Variants in SIK2 observed in about 807,000 individuals in gnomAD.
The protein encoded by SIK2 is salt inducible kinase 2.
Under a neutral mutation model 103.2 loss-of-function variants are expected in SIK2, and 29 were observed. The observed-to-expected ratio is 0.28, with a 90% CI of 0.21 to 0.38. SIK2 has a LOEUF of 0.38. Ranked by LOEUF, SIK2 falls within the 10% of genes least tolerant of loss-of-function variation. The probability of loss-of-function intolerance (pLI) is 1.00; values close to 1 mark genes in which losing one functional copy is unlikely to be tolerated. For missense variants in SIK2, 879 were observed against 1,171.0 expected (o/e 0.75, Z 3.64); for synonymous variants, 412 against 446.1 (o/e 0.92, Z 0.96).
In SIK2 at chr11:111,700,946, C is replaced by G. The variant is rs1943198679; in HGVS notation, c.539C>G (p.Pro180Arg). The G allele has an allele frequency of 6.2e-7, 1 of 1,613,836 alleles. No individual in the cohort carries two copies. Among genetic ancestry groups the G allele is most frequent in the Admixed American group, 1.7e-5 (1 of 59,974 alleles). The change falls in exon 5 of 15, where the codon CCC (proline) becomes CGC (arginine). Residue 180 changes from proline (P) to arginine (R), a missense_variant. Transcript: ENST00000304987. ...CTGCTGGCAACATGGTGTGGCAGCC[C>G]CCCTTATGCAGCCCCAGAAGTCTTT... Reference protein sequence around the residue: ...GELLATWCGSPPYAAPEVFEG... With the variant: ...GELLATWCGSRPYAAPEVFEG...
chr11:111,669,782 C>T (rs1301938474), intron 3 of SIK2, among the ~76,000 whole-genome samples: 1 of 152,092 alleles, frequency 6.6e-6, no homozygotes, highest in Non-Finnish European at 1.5e-5. Flanking sequence ...TCGAATGCAT[C>T]ATTTCCTTAA....
At chr11:111,627,579 A>G (rs1000951968) in intron 3 of SIK2, among the ~76,000 whole-genome samples, 3 of 152,216 alleles carry the variant, frequency 2.0e-5, no homozygotes, top group African/African-American at 4.8e-5. Context: ...GGACTACTGT[A>G]TAAGATTTTA....
intron 1 of SIK2, among the ~76,000 whole-genome samples, chr11:111,605,536 A>T (rs1343986374): frequency 6.6e-6 from 1 of 152,232 alleles, no homozygotes. Context: ...TATTGACGAT[A>T]AAAGTTTCTT....
chr11:111,647,811 T>C (rs1591600304), intron 3 of SIK2, among the ~76,000 whole-genome samples: 1 of 148,482 alleles, frequency 6.7e-6, no homozygotes, highest in African/African-American at 2.5e-5. Flanking sequence ...GAGCTTGCAG[T>C]GAGCTGAGAT....
chr11:111,702,311 G>T (rs1395788338), intron 6 of SIK2, among the ~76,000 whole-genome samples: 2 of 152,334 alleles, frequency 1.3e-5, no homozygotes, highest in African/African-American at 4.8e-5. Flanking sequence ...TCAGTCAGGT[G>T]CAGTGGTTTA....
intron 3 of SIK2, among the ~76,000 whole-genome samples, chr11:111,685,389 C>A (rs1319260499): frequency 1.3e-5 from 2 of 152,204 alleles, no homozygotes; most frequent in East Asian, 3.8e-4. Flanking sequence ...TATGTGTATA[C>A]ACATGTGTGT....
chr11:111,717,249 G>C (rs1288544097), intron 9 of SIK2, among the ~76,000 whole-genome samples: 1 of 142,196 alleles, frequency 7.0e-6, no homozygotes, highest in Non-Finnish European at 1.5e-5. Flanking sequence ...CTGGGAGGCA[G>C]AGCTTGCAGT....
At position 111,688,180 on chromosome 11, in the gene SIK2, G is replaced by A; in HGVS notation, c.478+18G>A. 6.2e-7 allele frequency: 1 copy of A among 1,613,840 alleles called. No homozygotes were observed. Among genetic ancestry groups the A allele is most frequent in the Non-Finnish European group, 8.5e-7 (1 of 1,179,868 alleles). On this transcript the variant is annotated intron_variant, in intron 4 of 14. Coordinates refer to ENST00000304987, the MANE Select transcript of SIK2 (RefSeq NM_015191.3). The surrounding 1 kb of genome is among the most constrained non-coding windows in gnomAD (Gnocchi z 4.2). The stretch of plus-strand genomic sequence containing the variant: ...AATAGCAGGTAACTGGGACACAACT[G>A]GCTCTAATAAGATCCGAAGTGAGCC...
At chr11:111,687,949 G>T in intron 3 of SIK2, 52 bp from the exon 4 acceptor site, 2 of 1,594,152 alleles carry the variant, frequency 1.3e-6, no homozygotes, top group Non-Finnish European at 8.5e-7. Flanking sequence ...ACTACTAATA[G>T]TGGAGTTATT....
intron 3 of SIK2, among the ~76,000 whole-genome samples, chr11:111,639,978 C>T (rs1942159289): frequency 6.6e-6 from 1 of 152,162 alleles, no homozygotes; most frequent in South Asian, 2.1e-4. Context: ...GAGTTGTATA[C>T]TCTCTGTTAC....
chr11:111,706,752 T>G (rs544500113), intron 8 of SIK2, among the ~76,000 whole-genome samples: 117 of 151,994 alleles, frequency 7.7e-4, no homozygotes, highest in Non-Finnish European at 1.4e-3. Flanking sequence ...ACAAGGTCAG[T>G]AGATCAAGAT....
chr11:111,662,187 G>A (rs1000114466), intron 3 of SIK2, among the ~76,000 whole-genome samples: 10 of 152,164 alleles, frequency 6.6e-5, no homozygotes, highest in African/African-American at 9.7e-5. Flanking sequence ...GATTGGAAAC[G>A]TAAGATCCTG....
At chr11:111,711,332 A>G (rs1465030634) in intron 8 of SIK2, among the ~76,000 whole-genome samples, 5 of 152,148 alleles carry the variant, frequency 3.3e-5, no homozygotes, top group Non-Finnish European at 7.4e-5. Flanking sequence ...CATGTTAGCC[A>G]GGATGGTCTC....
chr11:111,677,586 AT>A (rs11384906), intron 3 of SIK2, among the ~76,000 whole-genome samples: 1,470 of 110,922 alleles, frequency 0.013, 10 homozygotes, highest in Middle Eastern at 0.04. Flanking sequence ...CCCAGCTAAA[AT>A]TTTTTTTTTT....
At chr11:111,657,564 AT>A (rs1390679186) in intron 3 of SIK2, among the ~76,000 whole-genome samples, 1 of 151,012 alleles carries the variant, frequency 6.6e-6, no homozygotes, top group Non-Finnish European at 1.5e-5. Context: ...TAATTTTTTT[AT>A]TTTTTGTAGA....
intron 12 of SIK2, among the ~76,000 whole-genome samples, chr11:111,721,355 C>G (rs1307642283): frequency 6.6e-6 from 1 of 152,132 alleles, no homozygotes; most frequent in Non-Finnish European, 1.5e-5. Context: ...CTTGAACTCC[C>G]CTTCTCCTGC....
intron 7 of SIK2, among the ~76,000 whole-genome samples, chr11:111,704,338 A>C (rs1277716596): frequency 6.6e-6 from 1 of 152,232 alleles, no homozygotes; most frequent in Admixed American, 6.5e-5. Flanking sequence ...CCAAAGGAGC[A>C]GTTGTTTCTC....
intron 8 of SIK2, 62 bp from the exon 9 acceptor site, chr11:111,712,149 T>C: frequency 6.8e-7 from 1 of 1,461,980 alleles, no homozygotes; most frequent in Non-Finnish European, 9.4e-7. Context: ...TTCTTAGAAC[T>C]TTGTGTATTT....
At chr11:111,630,542 T>C (rs1942024021) in intron 3 of SIK2, among the ~76,000 whole-genome samples, 1 of 152,178 alleles carries the variant, frequency 6.6e-6, no homozygotes, top group African/African-American at 2.4e-5. Flanking sequence ...GATTTGAGGA[T>C]TACCTGAATA....
Sources: allele counts gnomAD v4.1 joint callset (sites outside exome capture counted in the v4.1 genomes callset), GRCh38; gene constraint gnomAD v4.1.1; non-coding constraint Gnocchi (gnomAD v3.1); transcripts MANE v1.5; gene names NCBI Gene and HGNC (gene_info 2026-07-23, HGNC 2026-07-21).